The following PARN variants were observed in gnomAD, a reference collection of about 807,000 sequenced individuals.
The protein encoded by PARN is poly(A)-specific ribonuclease PARN.
PARN carries 71 observed loss-of-function variants against 102.8 expected under a neutral mutation model. The observed-to-expected ratio is 0.69, with a 90% CI of 0.57 to 0.84. PARN has a LOEUF of 0.84. Ranked by LOEUF, PARN falls within the 40% of genes least tolerant of loss-of-function variation. The pLI, the probability that PARN is intolerant of heterozygous loss-of-function variation, is 0.00. For synonymous variants in PARN, 261 were observed against 252.9 expected (o/e 1.03, Z -0.30); for missense variants, 782 against 760.9 (o/e 1.03, Z -0.33).
intron 18 of PARN, among the ~76,000 whole-genome samples, chr16:14,573,145 T>G (rs2967243): frequency 0.081 from 12,276 of 152,136 alleles, 1,696 homozygotes; most frequent in African/African-American, 0.28. Flanking sequence ...CCTCCCAAAG[T>G]GCTAGGATTA....
At chr16:14,522,663 G>C (rs1400411839) in intron 21 of PARN, among the ~76,000 whole-genome samples, 2 of 152,150 alleles carry the variant, frequency 1.3e-5, no homozygotes, top group African/African-American at 4.8e-5. Context: ...CCCAGACATG[G>C]CCTCAGACCT....
At chr16:14,476,050 C>A (rs909855290) in intron 22 of PARN, among the ~76,000 whole-genome samples, 1 of 151,596 alleles carries the variant, frequency 6.6e-6, no homozygotes, top group Non-Finnish European at 1.5e-5. Flanking sequence ...TGAAGACAGT[C>A]AAAAACAAAA....
intron 22 of PARN, among the ~76,000 whole-genome samples, chr16:14,480,776 A>T (rs1212767628): frequency 6.6e-6 from 1 of 152,126 alleles, no homozygotes; most frequent in Non-Finnish European, 1.5e-5. Context: ...CATCGTCTCT[A>T]CTAAAAATAC....
intron 22 of PARN, among the ~76,000 whole-genome samples, chr16:14,477,781 G>A (rs1239344327): frequency 6.6e-6 from 1 of 151,156 alleles, no homozygotes; most frequent in African/African-American, 2.4e-5. Context: ...CCGTCGGAAA[G>A]GGAAAAGGGA....
intron 21 of PARN, among the ~76,000 whole-genome samples, chr16:14,486,809 C>T (rs1024219222): frequency 6.6e-6 from 1 of 152,212 alleles, no homozygotes; most frequent in African/African-American, 2.4e-5. Context: ...TATTCCAGCT[C>T]GCCTGTCAGA....
chr16:14,466,725 A>G (rs1399377099), intron 22 of PARN, among the ~76,000 whole-genome samples: 1 of 152,250 alleles, frequency 6.6e-6, no homozygotes, highest in East Asian at 1.9e-4. Context: ...TTCCACAATC[A>G]TTAACATTTG....
intron 18 of PARN, among the ~76,000 whole-genome samples, chr16:14,570,909 C>T (rs1163139823): frequency 6.6e-6 from 1 of 150,780 alleles, no homozygotes; most frequent in African/African-American, 2.4e-5. Context: ...CATTTATGCC[C>T]AGAAGGTTGA....
chr16:14,492,114 G>A (rs1422607304), intron 21 of PARN, among the ~76,000 whole-genome samples: 4 of 152,200 alleles, frequency 2.6e-5, no homozygotes, highest in East Asian at 1.9e-4. Flanking sequence ...CTTTCATATC[G>A]TGGGTGTTTC....
At chr16:14,442,359 A>G (rs1035353743) in intron 23 of PARN, among the ~76,000 whole-genome samples, 1 of 152,196 alleles carries the variant, frequency 6.6e-6, no homozygotes, top group Non-Finnish European at 1.5e-5. Flanking sequence ...AATGGCATGC[A>G]GAGTAGTTTT....
intron 18 of PARN, among the ~76,000 whole-genome samples, chr16:14,573,507 C>T (rs1346048808): frequency 6.6e-6 from 1 of 152,172 alleles, no homozygotes; most frequent in African/African-American, 2.4e-5. Flanking sequence ...AGAATATATG[C>T]TGGGCACTTA....
At chr16:14,444,307 C>T (rs1485721755) in intron 23 of PARN, among the ~76,000 whole-genome samples, 1 of 148,758 alleles carries the variant, frequency 6.7e-6, no homozygotes, top group Admixed American at 6.7e-5. Flanking sequence ...GTCTCTTTCT[C>T]TTTTTTTTTT....
At chr16:14,558,572 T>C (rs1967854774) in intron 18 of PARN, 2 of 151,900 alleles carry the variant, frequency 1.3e-5, no homozygotes, top group Non-Finnish European at 2.9e-5. Flanking sequence ...ATCAACAAAA[T>C]GTTCACTGCT....
At chr16:14,486,469 A>C (rs994759020) in intron 21 of PARN, among the ~76,000 whole-genome samples, 1 of 152,268 alleles carries the variant, frequency 6.6e-6, no homozygotes, top group Non-Finnish European at 1.5e-5. Context: ...ACAGGGTCAC[A>C]GGCGAGCTGA....
intron 21 of PARN, among the ~76,000 whole-genome samples, chr16:14,504,746 T>A (rs957662616): frequency 1.3e-5 from 2 of 152,142 alleles, no homozygotes; most frequent in Non-Finnish European, 2.9e-5. Flanking sequence ...AATCAACAAA[T>A]ATTTGCTGAT....
At chr16:14,476,636 C>T (rs1380442891) in intron 22 of PARN, among the ~76,000 whole-genome samples, 2 of 152,028 alleles carry the variant, frequency 1.3e-5, no homozygotes, top group Admixed American at 1.3e-4. Context: ...TCAAGACCAG[C>T]CTGGGTAACA....
chr16:14,518,135 C>A (rs1243111231), intron 21 of PARN, among the ~76,000 whole-genome samples: 2 of 150,470 alleles, frequency 1.3e-5, no homozygotes, highest in East Asian at 1.9e-4. Flanking sequence ...AAAAAACCCT[C>A]AAAAATAATA....
chr16:14,519,919 G>A (rs542153542), intron 21 of PARN, among the ~76,000 whole-genome samples: 196 of 152,130 alleles, frequency 1.3e-3, no homozygotes, highest in Non-Finnish European at 2.3e-3. Flanking sequence ...ATGGATCTAG[G>A]TTAAGCATTA....
At chr16:14,482,068 A>AT (rs1247386046) in intron 22 of PARN, among the ~76,000 whole-genome samples, 4 of 151,926 alleles carry the variant, frequency 2.6e-5, no homozygotes, top group African/African-American at 9.7e-5. Flanking sequence ...AACAAGACAC[A>AT]AAGCCTCCAT....
At chr16:14,471,002 C>A (rs1962706956) in intron 22 of PARN, among the ~76,000 whole-genome samples, 1 of 152,122 alleles carries the variant, frequency 6.6e-6, no homozygotes, top group African/African-American at 2.4e-5. Context: ...CCAGGCTGGT[C>A]TTTAAGCTGT....
Sources: allele counts gnomAD v4.1 joint callset (sites outside exome capture counted in the v4.1 genomes callset), GRCh38; gene constraint gnomAD v4.1.1; transcripts MANE v1.5; gene names NCBI Gene and HGNC (gene_info 2026-07-23, HGNC 2026-07-21).